Variants in DIP2B observed in about 807,000 individuals in gnomAD.
The protein encoded by DIP2B is DIP2 acetate--CoA ligase B (putative).
Under a neutral mutation model 198.0 loss-of-function variants are expected in DIP2B, and 76 were observed. The ratio of observed to expected loss-of-function variants is 0.38; its 90% confidence interval spans 0.32 to 0.46. The LOEUF (loss-of-function observed/expected upper bound fraction) is 0.46. DIP2B is among the 20% of genes least tolerant of loss of function. DIP2B has a pLI of 0.99. For synonymous variants in DIP2B, 701 were observed against 739.1 expected (o/e 0.95, Z 0.84); for missense variants, 1,559 against 1,978.4 (o/e 0.79, Z 4.02).
At chr12:50,636,214 A>G (rs1938156831) in intron 2 of DIP2B, among the ~76,000 whole-genome samples, 2 of 152,230 alleles carry the variant, frequency 1.3e-5, no homozygotes, top group Admixed American at 6.5e-5. Flanking sequence ...CCAATTGTAA[A>G]TACTCGGTAG....
intron 1 of DIP2B, among the ~76,000 whole-genome samples, chr12:50,552,329 G>A (rs541004799): frequency 3.5e-4 from 53 of 150,962 alleles, no homozygotes; most frequent in African/African-American, 8.8e-4. Flanking sequence ...GTGCAATGGC[G>A]TAATCTCTGC....
intron 1 of DIP2B, among the ~76,000 whole-genome samples, chr12:50,586,860 A>G (rs1331404662): frequency 6.6e-6 from 1 of 152,254 alleles, no homozygotes; most frequent in Non-Finnish European, 1.5e-5. Flanking sequence ...GGCGTGAGCC[A>G]CTGTGCCCGG....
At position 50,685,815 on chromosome 12, in the gene DIP2B, A is replaced by G. The variant is rs1457398417; in HGVS notation, c.1318-18A>G. On this transcript the variant is annotated intron_variant, in intron 10 of 37. Coordinates refer to ENST00000301180, the MANE Select transcript of DIP2B (RefSeq NM_173602.3). ...CACATTCGCTCCCCTACCTATGTTCATTATCATTTCTCCACAGGATGCTGG... is the reference window on the plus strand; with the variant it reads ...CACATTCGCTCCCCTACCTATGTTCGTTATCATTTCTCCACAGGATGCTGG... 3 of 1,611,734 alleles carry G rather than the reference A, an allele frequency of 1.9e-6. No individual in the cohort carries two copies. The Admixed American group carries it at 5.0e-5, about 27-fold the overall frequency.
intron 3 of DIP2B, among the ~76,000 whole-genome samples, chr12:50,654,804 C>T (rs1412444588): frequency 6.6e-6 from 1 of 152,094 alleles, no homozygotes; most frequent in Non-Finnish European, 1.5e-5. Flanking sequence ...CAAGGAAACA[C>T]AAATTAAAAC....
At chr12:50,575,316 C>T (rs1958649235) in intron 1 of DIP2B, among the ~76,000 whole-genome samples, 3 of 152,182 alleles carry the variant, frequency 2.0e-5, no homozygotes, top group Non-Finnish European at 4.4e-5. Context: ...TGTGATACCA[C>T]AGCCTTTTCA....
rs71441371 is a variant in DIP2B at position 50,545,674 on chromosome 12, CT to C, written c.100+40450del. On this transcript the variant is annotated intron_variant, in intron 1 of 37. Coordinates refer to ENST00000301180, the MANE Select transcript of DIP2B (RefSeq NM_173602.3). Reference sequence around the variant, plus strand: ...GTAACTTTTATTTTTTGGAGGCAGACTTTTTTTTTTTTTTTTCATAACGCTA... The same window carrying C: ...GTAACTTTTATTTTTTGGAGGCAGACTTTTTTTTTTTTTTTCATAACGCTA... Among the ~76,000 whole-genome samples the C allele has an allele frequency of 6.8e-3, 949 of 139,562 alleles. 10 individuals carry two copies. The highest frequency in any genetic ancestry group is 0.018 in the African/African-American group (685 of 38,170). 91.6% of individuals were successfully genotyped at this position (139,562 alleles called of 152,430 possible). A position where few individuals can be genotyped will look rare whatever the true frequency, so the allele number is the denominator to read the frequency against.
In DIP2B at chr12:50,513,611, C is replaced by T. The variant is rs751314674; in HGVS notation, c.100+8371C>T. ...TTTTCTGGCTGGGTGTGGTGGCTCA[C>T]GCCTGCAATCCCAATACTTTGGGAG... On this transcript the variant is annotated intron_variant, in intron 1 of 37. Transcript: ENST00000301180. 6.6e-5 allele frequency among the ~76,000 whole-genome samples: 10 copies of T among 152,186 alleles called. No homozygotes were observed. The South Asian group carries it at 1.2e-3, about 19-fold the overall frequency.
At chr12:50,657,110 T>G (rs1010684218) in intron 3 of DIP2B, 2 of 150,518 alleles carry the variant, frequency 1.3e-5, no homozygotes, top group African/African-American at 4.9e-5. Context: ...ATGGCAGGTG[T>G]GGTGGCCCAC....
intron 25 of DIP2B, 44 bp downstream of exon 25, chr12:50,719,079 G>A: frequency 6.3e-7 from 1 of 1,593,924 alleles, no homozygotes; most frequent in Non-Finnish European, 8.6e-7. Flanking sequence ...GACTACTATA[G>A]GACCATCTTA....
rs867071270 is a variant in DIP2B at position 50,684,347 on chromosome 12, A to G, written c.1317+1099A>G. Among the ~76,000 whole-genome samples the G allele has an allele frequency of 9.2e-5, 14 of 152,312 alleles. No individual in the cohort carries two copies. In the South Asian group the frequency reaches 1.2e-3, roughly 14 times the overall value. On this transcript the variant is annotated intron_variant, in intron 10 of 37. Coordinates refer to ENST00000301180, the MANE Select transcript of DIP2B (RefSeq NM_173602.3). ...TGGATTATAAGATTTTACTTTGACA[A>G]TACATCAGCCCAACTAAAATGAAGC...
intron 32 of DIP2B, 122 bp downstream of exon 32, chr12:50,732,658 C>T: frequency 2.4e-6 from 3 of 1,238,338 alleles, no homozygotes; most frequent in Non-Finnish European, 3.4e-6. Context: ...TGCTTTGGAA[C>T]TTCGGGCTTT....
At chr12:50,708,312 T>A (rs1308393998) in intron 21 of DIP2B, 136 bp from the exon 22 acceptor site, 1 of 669,140 alleles carries the variant, frequency 1.5e-6, no homozygotes, top group African/African-American at 1.8e-5. Flanking sequence ...AGAGTAATGA[T>A]TATGACATTT....
chr12:50,640,339 A>T (rs748043787), intron 2 of DIP2B, among the ~76,000 whole-genome samples: 21 of 152,022 alleles, frequency 1.4e-4, no homozygotes, highest in Non-Finnish European at 2.4e-4. Flanking sequence ...TGCTTGTATT[A>T]TGTTTATCTG....
chr12:50,690,929 A>C, intron 12 of DIP2B, 120 bp from the exon 13 acceptor site: 1 of 737,968 alleles, frequency 1.4e-6, no homozygotes. Context: ...TATTCATATT[A>C]AACATGTTAA....
At chr12:50,513,977 T>C (rs1043740272) in intron 1 of DIP2B, among the ~76,000 whole-genome samples, 2 of 152,166 alleles carry the variant, frequency 1.3e-5, no homozygotes, top group African/African-American at 4.8e-5. Context: ...TGTAGTCTCT[T>C]TTTAGCTCTA....
chr12:50,528,307 G>A (rs138321308), intron 1 of DIP2B, among the ~76,000 whole-genome samples: 6 of 150,068 alleles, frequency 4.0e-5, no homozygotes, highest in South Asian at 2.1e-4. Context: ...TAGTATCTAC[G>A]TTGTAGGATT....
chr12:50,580,735 G>A (rs1958718098), intron 1 of DIP2B, among the ~76,000 whole-genome samples: 1 of 148,428 alleles, frequency 6.7e-6, no homozygotes, highest in Non-Finnish European at 1.5e-5. Flanking sequence ...GGTTGTCAGA[G>A]CTCTGGGTTG....
intron 10 of DIP2B, among the ~76,000 whole-genome samples, chr12:50,683,553 G>A (rs1287460232): frequency 2.0e-5 from 3 of 152,052 alleles, no homozygotes; most frequent in African/African-American, 7.2e-5. Context: ...AAGCTGAGGC[G>A]GGGGGATCAC....
intron 19 of DIP2B, among the ~76,000 whole-genome samples, chr12:50,703,426 C>T (rs529112887): frequency 4.0e-5 from 6 of 151,894 alleles, no homozygotes; most frequent in African/African-American, 1.5e-4. Flanking sequence ...TGAAAAGACT[C>T]GTGCCTTTTG....
Sources: gnomAD v4.1 joint callset for allele counts (sites outside exome capture counted in the v4.1 genomes callset) on GRCh38, gnomAD v4.1.1 for gene constraint, MANE v1.5 for transcripts, NCBI Gene and HGNC (gene_info 2026-07-23, HGNC 2026-07-21) for gene names.